SLCO1B3: variants seen among roughly 807,000 people sequenced by gnomAD.
SLCO1B3 encodes the protein solute carrier organic anion transporter family member 1B3, also known as liver-specific organic anion transporter 2.
In SLCO1B3, 72 loss-of-function variants were observed where a neutral mutation model predicts 71.8. The ratio of observed to expected loss-of-function variants is 1.00; its 90% confidence interval spans 0.83 to 1.22. SLCO1B3 has a LOEUF of 1.22. SLCO1B3 is among the 50% of genes most tolerant of loss of function. The pLI is 0.00. For synonymous variants in SLCO1B3, 298 were observed against 278.4 expected, an observed-to-expected ratio of 1.07 and a Z score of -0.70; for missense variants, 911 against 819.7, an observed-to-expected ratio of 1.11 and a Z score of -1.36.
chr12:20,909,557 A>T (rs1866331766), intron 15 of SLCO1B3, among the ~76,000 whole-genome samples: 1 of 151,728 alleles, frequency 6.6e-6, no homozygotes. Context: ...CTACTTTTTA[A>T]CTGTTTTTTC....
At chr12:20,853,962 G>A (rs901455990) in intron 3 of SLCO1B3, among the ~76,000 whole-genome samples, 1 of 143,082 alleles carries the variant, frequency 7.0e-6, no homozygotes, top group African/African-American at 2.6e-5. Context: ...TTCCTCCTTT[G>A]ACCCATTGGT....
intron 3 of SLCO1B3, among the ~76,000 whole-genome samples, chr12:20,851,980 C>T (rs945978049): frequency 6.6e-6 from 1 of 152,128 alleles, no homozygotes; most frequent in Non-Finnish European, 1.5e-5. Flanking sequence ...GGCAACAGTT[C>T]ATTTCTGAAC....
At position 20,916,221 on chromosome 12, in the gene SLCO1B3, A is replaced by G; in HGVS notation, c.2083A>G (p.Met695Val). Residue 695 changes from methionine (M) to valine (V), a missense_variant, in exon 16 of 16, where the codon ATG (methionine) becomes GTG (valine). Met to Val is a conservative substitution (Grantham distance 21). Transcript: ENST00000381545. ...GTDSKTCNLD[M>V]QDNAAAN is the part of the protein sequence containing the mutation. ...AGATAGTAAAACATGTAATTTGGACATGCAAGACAATGCTGCTGCCAACTA... is the reference window on the plus strand; with the variant it reads ...AGATAGTAAAACATGTAATTTGGACGTGCAAGACAATGCTGCTGCCAACTA... 6.2e-7 allele frequency: 1 copy of G among 1,612,794 alleles called. No homozygotes were observed. The highest frequency in any genetic ancestry group is 1.7e-5 in the Admixed American group (1 of 59,948).
At chr12:20,864,562 G>C (rs182071289) in intron 8 of SLCO1B3, among the ~76,000 whole-genome samples, 1 of 152,150 alleles carries the variant, frequency 6.6e-6, no homozygotes, top group Non-Finnish European at 1.5e-5. Context: ...ATGTGGCTTA[G>C]TGTAGCTACA....
chr12:20,859,196 GAACAAA>G (rs1474262668), intron 5 of SLCO1B3, among the ~76,000 whole-genome samples: 1 of 152,152 alleles, frequency 6.6e-6, no homozygotes, highest in Non-Finnish European at 1.5e-5. Context: ...AGAAGAACAA[GAACAAA>G]GAGTGCACAC....
At position 20,916,775 on chromosome 12, in the gene SLCO1B3, G is replaced by A. The variant is rs990582646; in HGVS notation, c.*528G>A. The A allele has an allele frequency of 6.6e-6, 1 of 152,094 alleles. No individual in the cohort carries two copies. Among genetic ancestry groups the A allele is most frequent in the Admixed American group, 6.6e-5 (1 of 15,258 alleles). The allele number at this position is 152,094 out of a possible 1,614,324, so 9.4% of individuals were successfully genotyped here. A position where few individuals can be genotyped will look rare whatever the true frequency, so the allele number is the denominator to read the frequency against. ...GGATCTTCTTCCAACCTCCCATTAAGATCCTGCAGAAGAAATAGAAATATT... is the reference window on the plus strand; with the variant it reads ...GGATCTTCTTCCAACCTCCCATTAAAATCCTGCAGAAGAAATAGAAATATT... On this transcript the variant is annotated 3_prime_UTR_variant, in exon 16 of 16. Transcript: ENST00000381545.
At chr12:20,816,095 T>G (rs931740485) in intron 3 of SLCO1B3, among the ~76,000 whole-genome samples, 1 of 152,210 alleles carries the variant, frequency 6.6e-6, no homozygotes, top group African/African-American at 2.4e-5. Context: ...GTAGTAGGTA[T>G]GTATGTTTAT....
chr12:20,889,838 C>T (rs1204257747), intron 13 of SLCO1B3, among the ~76,000 whole-genome samples: 2 of 151,804 alleles, frequency 1.3e-5, no homozygotes, highest in Admixed American at 6.6e-5. Flanking sequence ...CTACAAACTT[C>T]CCTCTTGGCA....
intron 3 of SLCO1B3, among the ~76,000 whole-genome samples, chr12:20,846,897 C>T (rs543012792): frequency 6.6e-6 from 1 of 152,156 alleles, no homozygotes; most frequent in African/African-American, 2.4e-5. Flanking sequence ...GACTTTACCT[C>T]TTATCTCGAT....
intron 13 of SLCO1B3, among the ~76,000 whole-genome samples, chr12:20,892,663 T>C (rs1049056800): frequency 6.6e-6 from 1 of 152,014 alleles, no homozygotes; most frequent in African/African-American, 2.4e-5. Context: ...TTCTTTGTTA[T>C]AAAAAAGGAA....
rs745538500 is a variant in SLCO1B3 at position 20,875,265 on chromosome 12, G to A, written c.758G>A (p.Arg253His). The change falls in exon 9 of 16, where the codon CGT (arginine) becomes CAT (histidine). Residue 253 changes from arginine to histidine, a missense_variant. Transcript: ENST00000381545. ...ATCAGAATAACTCCTAAGGACTCTC[G>A]TTGGGTTGGAGCTTGGTGGCTTGGT... is the stretch of plus-strand genomic sequence containing the variant. ...STIRITPKDS[R>H]WVGAWWLGFL... 79 of 1,612,828 alleles carry A rather than the reference G, an allele frequency of 4.9e-5. No homozygotes were observed. The highest frequency in any genetic ancestry group is 1.2e-4 in the South Asian group (11 of 90,820).
In SLCO1B3 at chr12:20,862,851, C is replaced by A. The variant is rs1807864272; in HGVS notation, c.724C>A (p.Leu242Met). Reference protein sequence around the residue: ...KMYVDIGYVDLSTIRITPKDS... With the variant: ...KMYVDIGYVDMSTIRITPKDS... ...GTACGTGGATATTGGATATGTAGAT[C>A]TGAGTAAGTACAATTAGAACAAGGT... The change falls in exon 8 of 16, where the codon CTG becomes ATG. Residue 242 changes from leucine to methionine, a missense_variant. Leu to Met is a conservative substitution (Grantham distance 15). Coordinates refer to ENST00000381545, the MANE Select transcript of SLCO1B3 (RefSeq NM_019844.4). 4 of 1,543,972 alleles carry A rather than the reference C, an allele frequency of 2.6e-6. No individual in the cohort carries two copies. The highest frequency in any genetic ancestry group is 3.6e-6 in the Non-Finnish European group (4 of 1,116,566).
chr12:20,820,273 C>T (rs1864270101), intron 3 of SLCO1B3, among the ~76,000 whole-genome samples: 1 of 152,182 alleles, frequency 6.6e-6, no homozygotes. Context: ...CAGCATCAGT[C>T]TTCAGCCGCT....
chr12:20,867,444 A>G (rs1183196313), intron 8 of SLCO1B3, among the ~76,000 whole-genome samples: 1 of 151,860 alleles, frequency 6.6e-6, no homozygotes, highest in Non-Finnish European at 1.5e-5. Flanking sequence ...AAAAAAAAAA[A>G]GGTGTGGAGT....
intron 13 of SLCO1B3, among the ~76,000 whole-genome samples, chr12:20,896,292 T>TCA (rs1265294642): frequency 4.6e-5 from 7 of 152,336 alleles, no homozygotes; most frequent in African/African-American, 1.4e-4. Flanking sequence ...TATCACATTG[T>TCA]CAGACTGCAA....
intron 13 of SLCO1B3, among the ~76,000 whole-genome samples, chr12:20,889,093 A>C (rs926268894): frequency 1.5e-5 from 1 of 65,910 alleles, no homozygotes; most frequent in Non-Finnish European, 3.9e-5. Flanking sequence ...TATTTTCTAG[A>C]GTTTTTTTTT....
chr12:20,870,870 A>G (rs1865462232), intron 8 of SLCO1B3, among the ~76,000 whole-genome samples: 1 of 152,144 alleles, frequency 6.6e-6, no homozygotes, highest in African/African-American at 2.4e-5. Flanking sequence ...TTCTATTCCC[A>G]GATTTTTGAG....
At chr12:20,906,205 A>C (rs543027596) in intron 15 of SLCO1B3, among the ~76,000 whole-genome samples, 1 of 152,302 alleles carries the variant, frequency 6.6e-6, no homozygotes, top group South Asian at 2.1e-4. Flanking sequence ...AAAGAAAAAA[A>C]TGAAACTTAA....
At position 20,895,384 on chromosome 12, in the gene SLCO1B3, G is replaced by T. The variant is rs563435648; in HGVS notation, c.1683-3052G>T. Among the ~76,000 whole-genome samples the T allele has an allele frequency of 4.6e-5, 7 of 152,232 alleles. No homozygotes were observed. The East Asian group carries it at 1.4e-3, about 29-fold the overall frequency. On this transcript the variant is annotated intron_variant, in intron 13 of 15. Transcript: ENST00000381545. ...GCTAGTTACTTCCTAGATACAATGG[G>T]GGTACAGGCATTGGGTAAATACAGC...
Sources: allele counts gnomAD v4.1 joint callset (sites outside exome capture counted in the v4.1 genomes callset), GRCh38; gene constraint gnomAD v4.1.1; transcripts MANE v1.5; gene names NCBI Gene and HGNC (gene_info 2026-07-23, HGNC 2026-07-21).